Variants in ABCC5 observed in about 807,000 individuals in gnomAD.
The protein encoded by ABCC5 is ATP binding cassette subfamily C member 5.
ABCC5 carries 61 observed loss-of-function variants against 160.9 expected under a neutral mutation model. The observed-to-expected ratio is 0.38, with a 90% CI of 0.31 to 0.47. The LOEUF is 0.47. Ranked by LOEUF, ABCC5 falls within the 20% of genes least tolerant of loss-of-function variation. The pLI is 0.99. For missense variants in ABCC5, 1,308 were observed against 1,813.3 expected, an observed-to-expected ratio of 0.72 and a Z score of 5.06; for synonymous variants, 666 against 700.6, an observed-to-expected ratio of 0.95 and a Z score of 0.78.
At position 183,987,303 on chromosome 3, in the gene ABCC5, A is replaced by C; in HGVS notation, c.591+467T>G. ...TAAACGGACTCCAGGTCAGACTCTA[A>C]AATCCTCGACAGTCCTCTAGTTTTC... On this transcript the variant is annotated intron_variant, in intron 5 of 29. Coordinates refer to ENST00000334444, the MANE Select transcript of ABCC5 (RefSeq NM_005688.4). The surrounding 1 kb of genome is among the most constrained non-coding windows in gnomAD (Gnocchi z 4.2). 3.6e-6 allele frequency: 1 copy of C among 275,994 alleles called. No homozygotes were observed. The highest frequency in any genetic ancestry group is 6.9e-6 in the Non-Finnish European group (1 of 144,498). 17.1% of individuals were successfully genotyped at this position (275,994 alleles called of 1,614,324 possible). A position where few individuals can be genotyped will look rare whatever the true frequency, so the allele number is the denominator to read the frequency against.
At chr3:183,973,745 G>A (rs1403362943) in intron 10 of ABCC5, among the ~76,000 whole-genome samples, 2 of 152,166 alleles carry the variant, frequency 1.3e-5, no homozygotes, top group Admixed American at 1.3e-4. Context: ...AATGGCTGCT[G>A]CTTTCATTTG....
At chr3:184,009,130 G>A (rs758887506) in intron 2 of ABCC5, among the ~76,000 whole-genome samples, 1 of 152,162 alleles carries the variant, frequency 6.6e-6, no homozygotes, top group Non-Finnish European at 1.5e-5. Context: ...CTCCCACAGT[G>A]CTGGGACTAC....
chr3:183,987,201 T>C lies in ABCC5; in HGVS notation c.591+569A>G, dbSNP rs1365571519. 4 of 169,574 alleles carry C rather than the reference T, an allele frequency of 2.4e-5. No individual in the cohort carries two copies. The highest frequency in any genetic ancestry group is 9.5e-5 in the African/African-American group (4 of 41,914). The allele number at this position is 169,574 out of a possible 1,614,324, so 10.5% of individuals were successfully genotyped here. A position where few individuals can be genotyped will look rare whatever the true frequency, so the allele number is the denominator to read the frequency against. On this transcript the variant is annotated intron_variant, in intron 5 of 29. Coordinates refer to ENST00000334444, the MANE Select transcript of ABCC5 (RefSeq NM_005688.4). The surrounding 1 kb of genome is among the most constrained non-coding windows in gnomAD (Gnocchi z 4.2). ...GAACGTCAAAGGCTCTCTTGTCTAC[T>C]CTGCATCAGTACAGACTGGGGAAAA... is the stretch of plus-strand genomic sequence containing the variant.
At chr3:183,989,556 C>T (rs1453921084) in intron 2 of ABCC5, among the ~76,000 whole-genome samples, 173 bp from the exon 3 acceptor site, 3 of 150,838 alleles carry the variant, frequency 2.0e-5, no homozygotes, top group Non-Finnish European at 4.4e-5. Context: ...CATTGGGGAA[C>T]ATTAAGCTAG....
intron 2 of ABCC5, 109 bp downstream of exon 2, chr3:184,014,155 G>A: frequency 2.0e-6 from 2 of 1,005,368 alleles, no homozygotes; most frequent in Non-Finnish European, 2.9e-6. Flanking sequence ...TTATAGGCGT[G>A]AGCCACCGCG....
Position 183,952,130 on chromosome 3 carries a change from G to C in ABCC5, c.2668-127C>G, listed in dbSNP as rs867412665. ...ATGACCCACCCTGGGACCTGGTCAT[G>C]GCTTTGTCCACCTCTTTTTTTTTTT... On this transcript the variant is annotated intron_variant, in intron 18 of 29. Transcript: ENST00000334444. The C allele has an allele frequency of 7.4e-6, 6 of 809,184 alleles. No individual in the cohort carries two copies. In the Middle Eastern group the frequency reaches 1.9e-3, roughly 257 times the overall value. 50.1% of individuals were successfully genotyped at this position (809,184 alleles called of 1,614,324 possible).
At chr3:183,980,685 A>T (rs1025189255) in intron 8 of ABCC5, among the ~76,000 whole-genome samples, 2 of 151,796 alleles carry the variant, frequency 1.3e-5, no homozygotes, top group Non-Finnish European at 2.9e-5. Context: ...AAAGGAAAAC[A>T]ACAGCTGCCT....
chr3:183,941,543 G>A (rs1258403795), intron 25 of ABCC5, among the ~76,000 whole-genome samples: 1 of 150,730 alleles, frequency 6.6e-6, no homozygotes, highest in African/African-American at 2.4e-5. Flanking sequence ...TAATGGCAAG[G>A]AAAAAAGCTA....
In ABCC5 at chr3:183,988,561, G is replaced by C; in HGVS notation, c.443+11C>G. The C allele has an allele frequency of 6.2e-7, 1 of 1,609,082 alleles. No homozygotes were observed. The highest frequency in any genetic ancestry group is 8.5e-7 in the Non-Finnish European group (1 of 1,178,214). ...GCATGGGGGAGATGAGGGTGGACCA[G>C]AGGCGCCTACCTTCTGCAGTTCACG... On this transcript the variant is annotated intron_variant, in intron 4 of 29. Coordinates refer to ENST00000334444, the MANE Select transcript of ABCC5 (RefSeq NM_005688.4). This position sits in a 1 kb window ranked among gnomAD's most constrained non-coding sequence, Gnocchi z 4.4.
At chr3:183,978,897 ATTC>A (rs541740215) in intron 8 of ABCC5, among the ~76,000 whole-genome samples, 168 of 152,304 alleles carry the variant, frequency 1.1e-3, no homozygotes, top group Middle Eastern at 3.4e-3. Context: ...CCTTTTTCTG[ATTC>A]TTCTTGTAAA....
At chr3:183,985,384 G>T (rs2108860466) in intron 5 of ABCC5, 1 of 1,613,116 alleles carries the variant, frequency 6.2e-7, no homozygotes, top group East Asian at 2.2e-5. Flanking sequence ...AAATTCTAAA[G>T]AACAGCTTCT....
At chr3:183,966,754 T>C (rs532482929) in intron 12 of ABCC5, among the ~76,000 whole-genome samples, 32 of 152,186 alleles carry the variant, frequency 2.1e-4, no homozygotes, top group African/African-American at 7.7e-4. Flanking sequence ...CCTGCCATGA[T>C]CTGACTCAGA....
chr3:184,002,385 C>A (rs1219615956), intron 2 of ABCC5, among the ~76,000 whole-genome samples: 2 of 150,856 alleles, frequency 1.3e-5, no homozygotes, highest in African/African-American at 4.9e-5. Flanking sequence ...GGCAACAGAG[C>A]CAGACTCCGT....
rs3031485 is a variant in ABCC5, at chr3:184,012,014, A to AACACACACACACACACACAC, written c.129+2230_129+2249dup. Among the ~76,000 whole-genome samples the AACACACACACACACACACAC allele has an allele frequency of 1.0e-4, 15 of 145,492 alleles. No individual in the cohort carries two copies. The East Asian group carries it at 2.7e-3, about 26-fold the overall frequency. Reference sequence around the variant, plus strand: ...CACCTTTAAAAAATGCATAGAACACAACACACACACACACACACACACACA... The same window carrying AACACACACACACACACACAC: ...CACCTTTAAAAAATGCATAGAACACAACACACACACACACACACACACACACACACACACACACACACACA... On this transcript the variant is annotated intron_variant, in intron 2 of 29. Coordinates refer to ENST00000334444, the MANE Select transcript of ABCC5 (RefSeq NM_005688.4).
rs1005110985 is a variant in ABCC5 at position 184,013,876 on chromosome 3, AAC to A, written c.129+386_129+387del. Among the ~76,000 whole-genome samples the A allele has an allele frequency of 8.5e-5, 13 of 152,098 alleles. No individual in the cohort carries two copies. In the East Asian group the frequency reaches 9.7e-4, roughly 11 times the overall value. ...CAGTAACCTAAAGCCAATAAAGAAAAACACATTTTTTTTTGAGACTGAGTCTC... is the reference window on the plus strand; with the variant it reads ...CAGTAACCTAAAGCCAATAAAGAAAAACATTTTTTTTTGAGACTGAGTCTC... On this transcript the variant is annotated intron_variant, in intron 2 of 29. Transcript: ENST00000334444.
rs549246124 is a variant in ABCC5 at position 183,942,780 on chromosome 3, G to T, written c.3641C>A (p.Ser1214Tyr). The T allele has an allele frequency of 1.2e-6, 2 of 1,614,146 alleles. No individual in the cohort carries two copies. The highest frequency in any genetic ancestry group is 2.2e-5 in the East Asian group (1 of 44,882). Residue 1214 changes from serine to tyrosine, a missense_variant, in exon 25 of 30, where the codon TCC (serine) becomes TAC (tyrosine). Transcript: ENST00000334444. Reference protein sequence around the residue: ...ENLPLVLKKVSFTIKPKEKIG... With the variant: ...ENLPLVLKKVYFTIKPKEKIG... ...CTTCTCTTTAGGTTTGATCGTGAAG[G>T]ATACTTTCTTTAGGACGAGAGGGAG...
chr3:183,944,075 G>A (rs941649748), intron 24 of ABCC5, among the ~76,000 whole-genome samples: 2 of 152,160 alleles, frequency 1.3e-5, no homozygotes, highest in African/African-American at 2.4e-5. Context: ...TCCAGTTTAC[G>A]TACACTCAGT....
intron 2 of ABCC5, among the ~76,000 whole-genome samples, chr3:184,013,678 A>G (rs569735512): frequency 6.6e-6 from 1 of 152,276 alleles, no homozygotes; most frequent in South Asian, 2.1e-4. Context: ...CTCCCCCTCA[A>G]TAAGTTGTCT....
At chr3:183,985,323 T>C in intron 5 of ABCC5, 3 of 1,614,036 alleles carry the variant, frequency 1.9e-6, no homozygotes, top group Non-Finnish European at 2.5e-6. Flanking sequence ...TGGCGAGAGA[T>C]TCTGCCCAGC....
Sources: allele counts gnomAD v4.1 joint callset (sites outside exome capture counted in the v4.1 genomes callset), GRCh38; gene constraint gnomAD v4.1.1; non-coding constraint Gnocchi (gnomAD v3.1); transcripts MANE v1.5; gene names NCBI Gene and HGNC (gene_info 2026-07-23, HGNC 2026-07-21).